The following FBXL17 variants were observed in gnomAD, a reference collection of about 807,000 sequenced individuals.
The protein encoded by FBXL17 is F-box/LRR-repeat protein 17.
In FBXL17, 22 loss-of-function variants were observed where a neutral mutation model predicts 66.2. The observed-to-expected ratio is 0.33, with a 90% CI of 0.24 to 0.47. The LOEUF (loss-of-function observed/expected upper bound fraction) is 0.47, where lower values mean the gene tolerates loss of function less well. Ranked by LOEUF, FBXL17 falls within the 20% of genes least tolerant of loss-of-function variation. FBXL17 has a pLI of 1.00. For synonymous variants in FBXL17, 474 were observed against 400.5 expected (o/e 1.18, Z -2.19); for missense variants, 878 against 948.2 (o/e 0.93, Z 0.97).
chr5:108,105,988 A>G (rs1278266575), intron 6 of FBXL17, among the ~76,000 whole-genome samples: 1 of 152,184 alleles, frequency 6.6e-6, no homozygotes, highest in African/African-American at 2.4e-5. Flanking sequence ...TCATCGCCGG[A>G]AAGCAAGGGT....
intron 5 of FBXL17, among the ~76,000 whole-genome samples, chr5:108,193,770 T>G (rs1040418808): frequency 6.6e-6 from 1 of 152,134 alleles, no homozygotes; most frequent in African/African-American, 2.4e-5. Context: ...TTGGAATTAA[T>G]AGTAGCTATG....
chr5:108,174,991 C>T (rs1013855295), intron 6 of FBXL17, among the ~76,000 whole-genome samples: 1 of 152,016 alleles, frequency 6.6e-6, no homozygotes, highest in African/African-American at 2.4e-5. Context: ...TATCTGAATC[C>T]GAACAATGAC....
At chr5:108,156,861 C>A (rs531093226) in intron 6 of FBXL17, among the ~76,000 whole-genome samples, 37 of 151,932 alleles carry the variant, frequency 2.4e-4, no homozygotes, top group African/African-American at 5.5e-4. Context: ...AATATGTTAG[C>A]ACATTTGCAT....
chr5:108,212,035 T>C (rs1754396277), intron 5 of FBXL17, among the ~76,000 whole-genome samples: 1 of 152,202 alleles, frequency 6.6e-6, no homozygotes, highest in Non-Finnish European at 1.5e-5. Context: ...CTTTTTATTC[T>C]TTTCTCTAAT....
At chr5:108,300,924 ATATT>A (rs1388896613) in intron 4 of FBXL17, among the ~76,000 whole-genome samples, 4 of 151,854 alleles carry the variant, frequency 2.6e-5, no homozygotes, top group African/African-American at 9.6e-5. Flanking sequence ...CTGTATATAT[ATATT>A]TAAAGTCTAA....
chr5:107,870,966 C>T (rs935465703), intron 8 of FBXL17, among the ~76,000 whole-genome samples: 3 of 147,940 alleles, frequency 2.0e-5, no homozygotes, highest in Non-Finnish European at 3.0e-5. Flanking sequence ...AACATCCATA[C>T]AACGCTTCAT....
intron 4 of FBXL17, among the ~76,000 whole-genome samples, chr5:108,312,098 AAC>A (rs1478957357): frequency 6.6e-6 from 1 of 152,120 alleles, no homozygotes; most frequent in African/African-American, 2.4e-5. Context: ...TTTCTATAAA[AAC>A]ATTCTTATAA....
intron 6 of FBXL17, among the ~76,000 whole-genome samples, chr5:108,093,554 C>T (rs931985991): frequency 6.6e-6 from 1 of 152,162 alleles, no homozygotes; most frequent in Non-Finnish European, 1.5e-5. Context: ...TAGATATTCC[C>T]TAAGGGTCAC....
At chr5:107,996,638 A>G (rs1753483744) in intron 7 of FBXL17, among the ~76,000 whole-genome samples, 1 of 152,240 alleles carries the variant, frequency 6.6e-6, no homozygotes, top group African/African-American at 2.4e-5. Flanking sequence ...TAACTTTTAT[A>G]TAAGAAATGT....
intron 7 of FBXL17, among the ~76,000 whole-genome samples, chr5:107,938,246 G>A (rs1750974638): frequency 6.6e-6 from 1 of 150,674 alleles, no homozygotes; most frequent in South Asian, 2.1e-4. Flanking sequence ...AGAACCCAGT[G>A]AAGTACTGTT....
intron 6 of FBXL17, among the ~76,000 whole-genome samples, chr5:108,032,237 A>AT (rs1323407342): frequency 2.0e-4 from 31 of 151,580 alleles, no homozygotes; most frequent in Middle Eastern, 3.4e-3. Context: ...AATCAAGTCC[A>AT]TTTTTTTTTA....
At chr5:108,329,059 T>C (rs1759996262) in intron 4 of FBXL17, among the ~76,000 whole-genome samples, 1 of 152,114 alleles carries the variant, frequency 6.6e-6, no homozygotes, top group African/African-American at 2.4e-5. Flanking sequence ...CAATTGCCTA[T>C]GCAAACAAGA....
intron 4 of FBXL17, among the ~76,000 whole-genome samples, chr5:108,228,297 C>T (rs546989589): frequency 6.6e-6 from 1 of 152,196 alleles, no homozygotes; most frequent in Non-Finnish European, 1.5e-5. Context: ...GATAGAAGAT[C>T]AGTTAGGGAT....
At chr5:108,251,502 T>C (rs970496145) in intron 4 of FBXL17, among the ~76,000 whole-genome samples, 6 of 152,064 alleles carry the variant, frequency 3.9e-5, no homozygotes, top group East Asian at 1.9e-4. Context: ...AACAGTTTAA[T>C]AGAAATCTTC....
At chr5:108,349,839 A>G (rs1042334898) in intron 3 of FBXL17, among the ~76,000 whole-genome samples, 1 of 152,140 alleles carries the variant, frequency 6.6e-6, no homozygotes, top group African/African-American at 2.4e-5. Flanking sequence ...AGGAAAGCAG[A>G]TTTTTTAAAA....
chr5:108,065,368 A>C (rs1355324809), intron 6 of FBXL17, among the ~76,000 whole-genome samples: 1 of 152,210 alleles, frequency 6.6e-6, no homozygotes, highest in Non-Finnish European at 1.5e-5. Flanking sequence ...AGGAGTTTAA[A>C]CAGCTACAAT....
chr5:108,319,555 C>A (rs1759523814), intron 4 of FBXL17, among the ~76,000 whole-genome samples: 1 of 151,546 alleles, frequency 6.6e-6, no homozygotes, highest in African/African-American at 2.4e-5. Context: ...TAAAATACTA[C>A]TTTCAAGATA....
intron 6 of FBXL17, among the ~76,000 whole-genome samples, chr5:108,167,902 A>G (rs1752470550): frequency 6.6e-6 from 1 of 152,162 alleles, no homozygotes; most frequent in African/African-American, 2.4e-5. Context: ...CCAAGAAACA[A>G]ATGTTCTTTA....
At chr5:108,360,320 G>T (rs1748263135) in intron 3 of FBXL17, among the ~76,000 whole-genome samples, 1 of 152,048 alleles carries the variant, frequency 6.6e-6, no homozygotes, top group South Asian at 2.1e-4. Flanking sequence ...ATATCTTAAT[G>T]TCCCCTTGAG....
Sources: gnomAD v4.1 joint callset for allele counts (sites outside exome capture counted in the v4.1 genomes callset) on GRCh38, gnomAD v4.1.1 for gene constraint, MANE v1.5 for transcripts, NCBI Gene and HGNC (gene_info 2026-07-23, HGNC 2026-07-21) for gene names.